Variants in NOS1 observed in about 807,000 individuals in gnomAD.
NOS1 encodes nitric oxide synthase 1, also known as NOS type I.
Under a neutral mutation model 164.5 loss-of-function variants are expected in NOS1, and 51 were observed. That is an observed-to-expected ratio of 0.31 (90% CI 0.25 to 0.39). The LOEUF is 0.39. Ranked by LOEUF, NOS1 falls within the 10% of genes least tolerant of loss-of-function variation. NOS1 has a pLI of 1.00. For missense variants in NOS1, 1,362 were observed against 1,885.6 expected (o/e 0.72, Z 5.14); for synonymous variants, 719 against 745.8 (o/e 0.96, Z 0.59).
chr12:117,234,468 C>T lies in NOS1; in HGVS notation c.3235+97G>A. ...TTAGCAACAGACACCCACTCTCCTG[C>T]CTGGACTGGTGATTGGGAAGAAAAG... On this transcript the variant is annotated intron_variant, in intron 21 of 28. Coordinates refer to ENST00000317775, the MANE Select transcript of NOS1 (RefSeq NM_000620.5). This position sits in a 1 kb window ranked among gnomAD's most constrained non-coding sequence, Gnocchi z 4.3. 7.7e-7 allele frequency: 1 copy of T among 1,293,004 alleles called. No individual in the cohort carries two copies. The highest frequency in any genetic ancestry group is 1.1e-6 in the Non-Finnish European group (1 of 925,896). The allele number at this position is 1,293,004 out of a possible 1,614,324, so 80.1% of individuals were successfully genotyped here.
intron 3 of NOS1, among the ~76,000 whole-genome samples, chr12:117,303,887 T>C (rs1214376869): frequency 6.6e-6 from 1 of 152,142 alleles, no homozygotes; most frequent in Non-Finnish European, 1.5e-5. Flanking sequence ...TTTAGGATGA[T>C]GTCAAAACTC....
At chr12:117,222,528 A>G (rs914867625) in intron 26 of NOS1, among the ~76,000 whole-genome samples, 187 bp downstream of exon 26, 8 of 152,226 alleles carry the variant, frequency 5.3e-5, no homozygotes, top group African/African-American at 1.9e-4. Context: ...TGTTGGGATT[A>G]CAGGCGCTCG....
chr12:117,265,937 C>T (rs576161131), intron 11 of NOS1, among the ~76,000 whole-genome samples: 1 of 148,784 alleles, frequency 6.7e-6, no homozygotes, highest in Non-Finnish European at 1.5e-5. Context: ...ACTACAGGCG[C>T]CCGCCACCAC....
Position 117,209,052 on chromosome 12 carries a change from T to G in NOS1, c.*6257A>C, listed in dbSNP as rs1956488791. 3.0e-6 allele frequency: 3 copies of G among 985,100 alleles called. No homozygotes were observed. The allele number at this position is 985,100 out of a possible 1,614,324, so 61.0% of individuals were successfully genotyped here. The stretch of plus-strand genomic sequence containing the variant: ...AGGGGTTTTTGAAAGCATACTGCCC[T>G]CCCCATGCCCCCTCCCCCGGACACC... On this transcript the variant is annotated 3_prime_UTR_variant, in exon 29 of 29. Transcript: ENST00000317775.
At chr12:117,275,976 C>T (rs1338091205) in intron 9 of NOS1, among the ~76,000 whole-genome samples, 1 of 152,024 alleles carries the variant, frequency 6.6e-6, no homozygotes, top group East Asian at 1.9e-4. Flanking sequence ...CTTGCAGCAA[C>T]TTCATGACTC....
At position 117,243,841 on chromosome 12, in the gene NOS1, C is replaced by T. The variant is rs1870400690; in HGVS notation, c.2824-406G>A. Among the ~76,000 whole-genome samples, 1 of 151,890 alleles carries T rather than the reference C, an allele frequency of 6.6e-6. No homozygotes were observed. The highest frequency in any genetic ancestry group is 2.4e-5 in the African/African-American group (1 of 41,342). The stretch of plus-strand genomic sequence containing the variant: ...CCACCCACTCATCCATCTTTCCATG[C>T]ATCCATCCTTCCATCCATCTACCCA... On this transcript the variant is annotated intron_variant, in intron 18 of 28. Transcript: ENST00000317775. This position sits in a 1 kb window ranked among gnomAD's most constrained non-coding sequence, Gnocchi z 4.3.
intron 20 of NOS1, among the ~76,000 whole-genome samples, chr12:117,241,053 C>T (rs1405253066): frequency 6.6e-6 from 1 of 151,738 alleles, no homozygotes; most frequent in Non-Finnish European, 1.5e-5. Flanking sequence ...GATTCGCCTG[C>T]CTCAGCCTCC....
At chr12:117,245,918 AAAAACAAAAC>A (rs1183639616) in intron 18 of NOS1, 6 of 152,482 alleles carry the variant, frequency 3.9e-5, no homozygotes, top group African/African-American at 1.4e-4. Context: ...ACTCTGTCTC[AAAAACAAAAC>A]AAAACAAAAC....
In NOS1 at chr12:117,347,325, CA is replaced by C. The variant is rs1311252887; in HGVS notation, c.-421+14186del. Reference sequence around the variant, plus strand: ...AAAAAAAAAAAGAAAAATAAACAAACAAACAAAAAACTGGAGGTTTCATCAA... The same window carrying C: ...AAAAAAAAAAAGAAAAATAAACAAACAACAAAAAACTGGAGGTTTCATCAA... On this transcript the variant is annotated intron_variant, in intron 1 of 28. Coordinates refer to ENST00000317775, the MANE Select transcript of NOS1 (RefSeq NM_000620.5). Among the ~76,000 whole-genome samples the C allele has an allele frequency of 1.1e-4, 17 of 151,096 alleles. No homozygotes were observed. In the East Asian group the frequency reaches 2.9e-3, roughly 26 times the overall value.
At chr12:117,318,726 A>G (rs1874777892) in intron 2 of NOS1, among the ~76,000 whole-genome samples, 1 of 152,186 alleles carries the variant, frequency 6.6e-6, no homozygotes, top group Non-Finnish European at 1.5e-5. Flanking sequence ...CAGGTGGGCC[A>G]AGCCTGTGTG....
At chr12:117,262,035 A>G (rs1207955940) in intron 13 of NOS1, among the ~76,000 whole-genome samples, 1 of 152,218 alleles carries the variant, frequency 6.6e-6, no homozygotes, top group Non-Finnish European at 1.5e-5. Flanking sequence ...GTGCAGACAA[A>G]TCGCTAACTT....
intron 3 of NOS1, among the ~76,000 whole-genome samples, chr12:117,303,507 C>A (rs76821249): frequency 0.079 from 12,067 of 152,106 alleles, 714 homozygotes; most frequent in South Asian, 0.19. Context: ...TATCTGATCA[C>A]CTTTACCAGC....
chr12:117,224,991 A>G, intron 25 of NOS1, 25 bp downstream of exon 25: 1 of 1,613,918 alleles, frequency 6.2e-7, no homozygotes, highest in Non-Finnish European at 8.5e-7. Flanking sequence ...GGTGGGAACC[A>G]AGTGGCCACT....
At chr12:117,324,362 T>G (rs1294592766) in intron 2 of NOS1, among the ~76,000 whole-genome samples, 4 of 152,176 alleles carry the variant, frequency 2.6e-5, no homozygotes, top group Non-Finnish European at 5.9e-5. Context: ...ATCGGGGACC[T>G]TGGCCTCTTT....
At chr12:117,313,394 G>A (rs1208612813) in intron 2 of NOS1, among the ~76,000 whole-genome samples, 4 of 152,012 alleles carry the variant, frequency 2.6e-5, no homozygotes, top group South Asian at 2.1e-4. Context: ...TCCTAGGCTC[G>A]AGCGATCCTC....
At chr12:117,227,753 G>A (rs939465684) in intron 22 of NOS1, 112 bp from the exon 23 acceptor site, 13 of 959,746 alleles carry the variant, frequency 1.4e-5, no homozygotes, top group Admixed American at 9.8e-5. Flanking sequence ...GTTGGCAGGT[G>A]CAGTGGCTCA....
At chr12:117,326,685 GA>G (rs1188984061) in intron 2 of NOS1, among the ~76,000 whole-genome samples, 1 of 152,244 alleles carries the variant, frequency 6.6e-6, no homozygotes, top group Non-Finnish European at 1.5e-5. Flanking sequence ...TGAGAGCTTG[GA>G]TGCAGCCTCC....
intron 3 of NOS1, among the ~76,000 whole-genome samples, chr12:117,301,838 T>A (rs1873832458): frequency 6.6e-6 from 1 of 152,222 alleles, no homozygotes; most frequent in Admixed American, 6.5e-5. Flanking sequence ...CACAAGGGTT[T>A]CATCTGTAAA....
chr12:117,312,061 C>T (rs921521592), intron 2 of NOS1, among the ~76,000 whole-genome samples: 1 of 152,124 alleles, frequency 6.6e-6, no homozygotes, highest in African/African-American at 2.4e-5. Context: ...ATAAGTTATT[C>T]TGACCCTGGC....
Sources: allele counts gnomAD v4.1 joint callset (sites outside exome capture counted in the v4.1 genomes callset), GRCh38; gene constraint gnomAD v4.1.1; non-coding constraint Gnocchi (gnomAD v3.1); transcripts MANE v1.5; gene names NCBI Gene and HGNC (gene_info 2026-07-23, HGNC 2026-07-21).